The following NCOA2 variants were observed in gnomAD, a reference collection of about 807,000 sequenced individuals.
The protein encoded by NCOA2 is nuclear receptor coactivator 2.
NCOA2 carries 21 observed loss-of-function variants against 145.1 expected under a neutral mutation model. The ratio of observed to expected loss-of-function variants is 0.14; its 90% confidence interval spans 0.10 to 0.21. The LOEUF is 0.21. Ranked by LOEUF, NCOA2 falls within the 10% of genes least tolerant of loss-of-function variation. The pLI, the probability that NCOA2 is intolerant of heterozygous loss-of-function variation, is 1.00. For missense variants in NCOA2, 1,472 were observed against 1,837.6 expected, an observed-to-expected ratio of 0.80 and a Z score of 3.64; for synonymous variants, 619 against 637.5, an observed-to-expected ratio of 0.97 and a Z score of 0.44.
At chr8:70,438,415 T>A in the NCOA2 span, among the ~76,000 whole-genome samples, 1 of 152,232 alleles carries the variant, frequency 6.6e-6, no homozygotes, top group African/African-American at 2.4e-5. Context: ...CATTAAATTA[T>A]CTTATTTTAC....
chr8:70,448,269 C>A, the NCOA2 span, among the ~76,000 whole-genome samples: 1 of 152,144 alleles, frequency 6.6e-6, no homozygotes, highest in Non-Finnish European at 1.5e-5. Context: ...CTATGGATAT[C>A]TTGCTTCTGT....
At chr8:70,216,611 T>A in intron 3 of NCOA2, 49 bp downstream of exon 3, 9 of 1,431,156 alleles carry the variant, frequency 6.3e-6, no homozygotes, top group Non-Finnish European at 7.9e-6. Context: ...GAAGCACTCA[T>A]GTGGCTTTAA....
At chr8:70,279,262 G>A (rs937422579) in intron 2 of NCOA2, among the ~76,000 whole-genome samples, 3 of 152,064 alleles carry the variant, frequency 2.0e-5, no homozygotes, top group Non-Finnish European at 4.4e-5. Flanking sequence ...TGATGGAACT[G>A]TTTATTTCCT....
At chr8:70,179,525 G>A (rs1443597391) in intron 4 of NCOA2, among the ~76,000 whole-genome samples, 2 of 152,144 alleles carry the variant, frequency 1.3e-5, no homozygotes, top group African/African-American at 2.4e-5. Flanking sequence ...TTTCAGTAAT[G>A]AGTATGCTAT....
chr8:70,236,195 T>A (rs1301408203), intron 2 of NCOA2, among the ~76,000 whole-genome samples: 2 of 152,230 alleles, frequency 1.3e-5, no homozygotes, highest in African/African-American at 4.8e-5. Context: ...ACTTTGCTAA[T>A]CACTACTACT....
At chr8:70,168,248 C>T (rs764361418) in intron 6 of NCOA2, among the ~76,000 whole-genome samples, 2 of 152,190 alleles carry the variant, frequency 1.3e-5, no homozygotes, top group South Asian at 2.1e-4. Flanking sequence ...TTGAAAATTA[C>T]AGAAAAACCC....
At chr8:70,159,744 T>A in intron 9 of NCOA2, 92 bp from the exon 10 acceptor site, 1 of 1,113,204 alleles carries the variant, frequency 9.0e-7, no homozygotes, top group Non-Finnish European at 1.2e-6. Context: ...TCAACTTCAT[T>A]AAGTTTCATA....
intron 15 of NCOA2, among the ~76,000 whole-genome samples, chr8:70,134,879 G>C (rs1297407615): frequency 6.6e-6 from 1 of 152,002 alleles, no homozygotes; most frequent in Admixed American, 6.6e-5. Context: ...TGGGACTCTC[G>C]GGACACTTTC....
chr8:70,246,420 G>A (rs1218335953), intron 2 of NCOA2, among the ~76,000 whole-genome samples: 2 of 152,088 alleles, frequency 1.3e-5, no homozygotes, highest in Admixed American at 6.6e-5. Flanking sequence ...TGCTGTACAC[G>A]AGGAGACTAA....
chr8:70,338,716 G>A (rs1807854115), intron 1 of NCOA2, among the ~76,000 whole-genome samples: 1 of 152,094 alleles, frequency 6.6e-6, no homozygotes, highest in Admixed American at 6.5e-5. Context: ...GAATCCAGAA[G>A]CACATCAAAA....
At chr8:70,241,743 C>T (rs1822154107) in intron 2 of NCOA2, among the ~76,000 whole-genome samples, 1 of 152,100 alleles carries the variant, frequency 6.6e-6, no homozygotes, top group Admixed American at 6.6e-5. Context: ...AGTGACTTTA[C>T]CTCTCCATGT....
chr8:70,278,778 A>G (rs958906150), intron 2 of NCOA2, among the ~76,000 whole-genome samples: 1 of 151,946 alleles, frequency 6.6e-6, no homozygotes, highest in Non-Finnish European at 1.5e-5. Flanking sequence ...ACCAGGCTGG[A>G]CAAATGGCAA....
intron 11 of NCOA2, 87 bp downstream of exon 11, chr8:70,155,884 T>C (rs1812225409): frequency 9.5e-7 from 1 of 1,053,942 alleles, no homozygotes; most frequent in African/African-American, 1.6e-5. Context: ...TTTTATCCAA[T>C]CACCTGAGAC....
At chr8:70,421,650 A>G in the NCOA2 span, among the ~76,000 whole-genome samples, 1 of 152,032 alleles carries the variant, frequency 6.6e-6, no homozygotes, top group Non-Finnish European at 1.5e-5. Flanking sequence ...AGGACTAGAA[A>G]AGAGATATTA....
At chr8:70,264,509 A>T (rs997240682) in intron 2 of NCOA2, among the ~76,000 whole-genome samples, 1 of 152,126 alleles carries the variant, frequency 6.6e-6, no homozygotes, top group Non-Finnish European at 1.5e-5. Flanking sequence ...CAACAACAAC[A>T]ACAACAAAGT....
At chr8:70,147,125 C>CGTGTGT (rs376791787) in intron 12 of NCOA2, among the ~76,000 whole-genome samples, 16 of 145,406 alleles carry the variant, frequency 1.1e-4, no homozygotes, top group South Asian at 4.3e-4. Context: ...CGCGCGCGCG[C>CGTGTGT]GCGTGTGTGT....
chr8:70,170,292 G>T lies in NCOA2; in HGVS notation c.451C>A (p.Gln151Lys). 1 of 1,611,168 alleles carries T rather than the reference G, an allele frequency of 6.2e-7. No individual in the cohort carries two copies. ...ENVTQYLRYN[Q>K]EELMNKSVYS... ...ACACTTTTGTTCATCAGCTCTTCTTGGTTATACCTTAGATACTGTGTCACA... is the reference window on the plus strand; with the variant it reads ...ACACTTTTGTTCATCAGCTCTTCTTTGTTATACCTTAGATACTGTGTCACA... Residue 151 changes from glutamine (Q) to lysine (K), a missense_variant, in exon 6 of 23, where the codon CAA becomes AAA. Around this residue, in one of 4 missense-constraint regions of NCOA2, gnomAD observed 284 missense variants for 467.8 expected, o/e 0.61. Transcript: ENST00000452400.
intron 2 of NCOA2, among the ~76,000 whole-genome samples, chr8:70,288,495 C>T (rs1246286301): frequency 4.0e-5 from 6 of 151,828 alleles, no homozygotes; most frequent in East Asian, 3.9e-4. Context: ...GCAGGAGAAT[C>T]GCTTGAACCC....
chr8:70,154,592 T>C (rs1296315571), intron 11 of NCOA2, among the ~76,000 whole-genome samples: 5 of 152,196 alleles, frequency 3.3e-5, no homozygotes, highest in African/African-American at 9.7e-5. Context: ...TTTCTAGAGA[T>C]GGGGTTTCAT....
Sources: allele counts gnomAD v4.1 joint callset (sites outside exome capture counted in the v4.1 genomes callset), GRCh38; gene constraint gnomAD v4.1.1; regional missense constraint gnomAD v4.1.1; transcripts MANE v1.5; gene names NCBI Gene and HGNC (gene_info 2026-07-23, HGNC 2026-07-21).